The following SLC25A17 variants were observed in gnomAD, a reference collection of about 807,000 sequenced individuals.
SLC25A17 encodes the protein solute carrier family 25 member 17, also known as peroxisomal membrane protein PMP34.
A neutral mutation model predicts 38.5 loss-of-function variants in SLC25A17; 26 were observed. That is an observed-to-expected ratio of 0.68 (90% CI 0.50 to 0.94). SLC25A17 has a LOEUF of 0.94. Among genes scored for constraint, SLC25A17 ranks in the 40% least tolerant of loss-of-function variants. SLC25A17 has a pLI of 0.00. For synonymous variants in SLC25A17, 139 were observed against 136.2 expected (o/e 1.02, Z -0.14); for missense variants, 333 against 372.7 (o/e 0.89, Z 0.88).
In SLC25A17 at chr22:40,779,113, A is replaced by G. The variant is rs1839142450; in HGVS notation, c.347T>C (p.Val116Ala). Residue 116 changes from valine (V) to alanine (A), a missense_variant, in exon 5 of 9, where the codon GTG (valine) becomes GCG (alanine). Transcript: ENST00000435456. ...VVGFVAGVVN[V>A]LLTTPLWVVN... ...CACCCAGAGTGGAGTTGTTAGCAAC[A>G]CATTAACCACTCCTTTAACAAGAAA... 6.2e-7 allele frequency: 1 copy of G among 1,614,232 alleles called. No individual in the cohort carries two copies. The highest frequency in any genetic ancestry group is 1.3e-5 in the African/African-American group (1 of 75,072).
intron 2 of SLC25A17, 98 bp downstream of exon 2, chr22:40,798,924 CA>C: frequency 2.5e-6 from 2 of 807,676 alleles, no homozygotes. Context: ...GCCTGGGCTA[CA>C]AAAGCGAAAC....
At chr22:40,818,738 C>T (rs1243993674) in intron 1 of SLC25A17, among the ~76,000 whole-genome samples, 1 of 150,468 alleles carries the variant, frequency 6.6e-6, no homozygotes, top group Non-Finnish European at 1.5e-5. Flanking sequence ...GATCTATCTT[C>T]TCCTGCCAAT....
At chr22:40,800,853 C>T (rs1192061169) in intron 1 of SLC25A17, among the ~76,000 whole-genome samples, 1 of 150,452 alleles carries the variant, frequency 6.6e-6, no homozygotes, top group Non-Finnish European at 1.5e-5. Flanking sequence ...TAATCAATTC[C>T]AGCACTCTGG....
chr22:40,818,234 G>A (rs1172548028), intron 1 of SLC25A17, among the ~76,000 whole-genome samples: 1 of 152,092 alleles, frequency 6.6e-6, no homozygotes, highest in African/African-American at 2.4e-5. Context: ...AAGAATATGA[G>A]AAAAGGCAGT....
rs17002150 is a variant in SLC25A17, at chr22:40,770,679, T to G, written c.*155A>C. The G allele has an allele frequency of 4.7e-4, 281 of 598,000 alleles. 1 individual carries two copies. In the African/African-American group the frequency reaches 4.8e-3, roughly 10 times the overall value. 37.0% of individuals were successfully genotyped at this position (598,000 alleles called of 1,614,324 possible). On this transcript the variant is annotated 3_prime_UTR_variant, in exon 9 of 9. Transcript: ENST00000435456. ...ACAATTAAGGTGACAACAGGTCCAG[T>G]TGGCCATACTCCCTGTGCACCCTTG...
chr22:40,802,737 A>G (rs1396474842), intron 1 of SLC25A17, among the ~76,000 whole-genome samples: 2 of 152,214 alleles, frequency 1.3e-5, no homozygotes, highest in Non-Finnish European at 1.5e-5. Context: ...GTTAGCTGAA[A>G]ACCCACCACT....
At chr22:40,775,087 A>G (rs914290918) in intron 7 of SLC25A17, among the ~76,000 whole-genome samples, 1 of 152,136 alleles carries the variant, frequency 6.6e-6, no homozygotes, top group African/African-American at 2.4e-5. Flanking sequence ...AGTCTTCTTC[A>G]ATTGTAAATC....
At chr22:40,781,149 G>C (rs1299912457) in intron 4 of SLC25A17, among the ~76,000 whole-genome samples, 1 of 151,938 alleles carries the variant, frequency 6.6e-6, no homozygotes, top group Non-Finnish European at 1.5e-5. Context: ...CCAGAGCTGG[G>C]CAACAGAGTG....
At chr22:40,797,258 G>C (rs1253747160) in intron 2 of SLC25A17, 1 of 1,181,742 alleles carries the variant, frequency 8.5e-7, no homozygotes, top group Non-Finnish European at 1.1e-6. Flanking sequence ...TTTAACCTTT[G>C]AATTACTATT....
chr22:40,797,833 A>G (rs935917282), intron 2 of SLC25A17, among the ~76,000 whole-genome samples: 6 of 152,240 alleles, frequency 3.9e-5, no homozygotes, highest in Non-Finnish European at 8.8e-5. Flanking sequence ...ATGCCCGGCC[A>G]GCCCTTCCTC....
At chr22:40,819,167 C>T (rs766806113) in intron 1 of SLC25A17, 28 bp downstream of exon 1, 1 of 1,612,710 alleles carries the variant, frequency 6.2e-7, no homozygotes, top group South Asian at 1.1e-5. Context: ...TAACCCGTTG[C>T]GGCCCGGGCG....
At chr22:40,811,973 C>T (rs1007499247) in intron 1 of SLC25A17, among the ~76,000 whole-genome samples, 24 of 95,322 alleles carry the variant, frequency 2.5e-4, no homozygotes, top group Non-Finnish European at 4.8e-4. Flanking sequence ...TTTGGGGGTT[C>T]CTCTTTTTTG....
chr22:40,801,347 T>C (rs1000930110), intron 1 of SLC25A17, among the ~76,000 whole-genome samples: 19 of 151,920 alleles, frequency 1.3e-4, no homozygotes, highest in African/African-American at 4.4e-4. Flanking sequence ...TTCAGTCCTC[T>C]AGGGTGCCAT....
intron 2 of SLC25A17, among the ~76,000 whole-genome samples, chr22:40,796,671 A>G (rs545015350): frequency 1.3e-5 from 2 of 152,262 alleles, no homozygotes; most frequent in South Asian, 2.1e-4. Flanking sequence ...TACAAATACA[A>G]TTACCCTTTA....
chr22:40,784,727 C>G (rs1001464672), intron 4 of SLC25A17: 1 of 141,732 alleles, frequency 7.1e-6, no homozygotes, highest in African/African-American at 2.6e-5. Context: ...TGAACTATGA[C>G]TGCACCACTG....
intron 2 of SLC25A17, among the ~76,000 whole-genome samples, chr22:40,795,624 GCT>G (rs1378666631): frequency 3.9e-5 from 6 of 151,924 alleles, no homozygotes; most frequent in African/African-American, 1.2e-4. Flanking sequence ...ATTTCATAAA[GCT>G]CTCTTGTTTT....
At chr22:40,788,889 A>C in intron 4 of SLC25A17, 1 of 260,326 alleles carries the variant, frequency 3.8e-6, no homozygotes, top group Non-Finnish European at 8.0e-6. Context: ...AATCACCTTG[A>C]ATTGCTGAAA....
chr22:40,814,881 G>A (rs1254628387), intron 1 of SLC25A17, among the ~76,000 whole-genome samples: 2 of 151,346 alleles, frequency 1.3e-5, no homozygotes, highest in Non-Finnish European at 2.9e-5. Flanking sequence ...GTGCAGTGGC[G>A]CAATCTTGGC....
chr22:40,795,850 C>T (rs1420553051), intron 2 of SLC25A17, among the ~76,000 whole-genome samples: 2 of 151,482 alleles, frequency 1.3e-5, no homozygotes, highest in Non-Finnish European at 2.9e-5. Context: ...TGCAGTGGTG[C>T]GGTCTCGGCT....
Sources: allele counts gnomAD v4.1 joint callset (sites outside exome capture counted in the v4.1 genomes callset), GRCh38; gene constraint gnomAD v4.1.1; transcripts MANE v1.5; gene names NCBI Gene and HGNC (gene_info 2026-07-23, HGNC 2026-07-21).